CYP2C18: variants seen among roughly 807,000 people sequenced by gnomAD.
CYP2C18 encodes the protein cytochrome P450 2C18.
A neutral mutation model predicts 41.3 loss-of-function variants in CYP2C18; 38 were observed. The ratio of observed to expected loss-of-function variants is 0.92; its 90% CI spans 0.71 to 1.21. The LOEUF (loss-of-function observed/expected upper bound fraction) is 1.21, where lower values mean the gene tolerates loss of function less well. CYP2C18 is among the 50% of genes most tolerant of loss of function. CYP2C18 has a pLI of 0.00. For missense variants in CYP2C18, 635 were observed against 591.4 expected (o/e 1.07, Z -0.77); for synonymous variants, 236 against 210.0 (o/e 1.12, Z -1.07).
At chr10:94,697,059 C>T (rs912672779) in intron 4 of CYP2C18, among the ~76,000 whole-genome samples, 7 of 152,182 alleles carry the variant, frequency 4.6e-5, no homozygotes, top group Admixed American at 1.3e-4. Flanking sequence ...ACACTCTGCA[C>T]GATATTATCC....
intron 4 of CYP2C18, among the ~76,000 whole-genome samples, chr10:94,701,679 C>G (rs1847249086): frequency 6.6e-6 from 1 of 152,318 alleles, no homozygotes; most frequent in East Asian, 1.9e-4. Context: ...AGAGTGTACA[C>G]AGTTGTTCCC....
intron 7 of CYP2C18, among the ~76,000 whole-genome samples, chr10:94,729,370 C>G (rs1847793452): frequency 6.6e-6 from 1 of 152,202 alleles, no homozygotes; most frequent in African/African-American, 2.4e-5. Flanking sequence ...ACAGTAGACA[C>G]AAGAGTCAAA....
At chr10:94,689,097 AAGAAGT>A (rs1272645123) in intron 3 of CYP2C18, among the ~76,000 whole-genome samples, 1 of 152,324 alleles carries the variant, frequency 6.6e-6, no homozygotes, top group East Asian at 1.9e-4. Flanking sequence ...CCTGTTAATT[AAGAAGT>A]AATTAAAATT....
At chr10:94,702,448 C>A (rs552239571) in intron 4 of CYP2C18, among the ~76,000 whole-genome samples, 1 of 152,032 alleles carries the variant, frequency 6.6e-6, no homozygotes, top group African/African-American at 2.4e-5. Context: ...ATTCTTTTTT[C>A]TCTAATCTTG....
Position 94,735,279 on chromosome 10 carries a change from G to T in CYP2C18, c.1308G>T (p.Met436Ile). The T allele has an allele frequency of 1.2e-6, 2 of 1,613,522 alleles. No individual in the cohort carries two copies. The highest frequency in any genetic ancestry group is 1.7e-6 in the Non-Finnish European group (2 of 1,179,638). The change falls in exon 9 of 9, where the codon ATG becomes ATT. Residue 436 changes from methionine to isoleucine, a missense_variant. Transcript: ENST00000285979. ...TATTTTCAGGAAAACGGATGTGTAT[G>T]GGAGAGGGCCTGGCCCGCATGGAGC... ...MPFSAGKRMC[M>I]GEGLARMELF...
At chr10:94,706,741 C>A in intron 4 of CYP2C18, 43 bp from the exon 5 acceptor site, 1 of 1,139,508 alleles carries the variant, frequency 8.8e-7, no homozygotes, top group South Asian at 1.5e-5. Context: ...CATATGTCTT[C>A]AATACATGTG....
intron 7 of CYP2C18, among the ~76,000 whole-genome samples, chr10:94,729,590 C>G (rs533299083): frequency 6.6e-6 from 1 of 152,080 alleles, no homozygotes; most frequent in Non-Finnish European, 1.5e-5. Flanking sequence ...TAAAGAGAAG[C>G]CTTTTGCTTG....
Position 94,735,295 on chromosome 10 carries a change from C to G in CYP2C18, c.1324C>G (p.Arg442Gly). ...GATGTGTATGGGAGAGGGCCTGGCC[C>G]GCATGGAGCTGTTTTTATTCCTGAC... ...KRMCMGEGLA[R>G]MELFLFLTTI... Residue 442 changes from arginine to glycine, a missense_variant, in exon 9 of 9, where the codon CGC becomes GGC. Arg to Gly is a moderately radical substitution (Grantham distance 125). Transcript: ENST00000285979. 6.2e-7 allele frequency: 1 copy of G among 1,613,586 alleles called. No homozygotes were observed. The highest frequency in any genetic ancestry group is 8.5e-7 in the Non-Finnish European group (1 of 1,179,696).
In CYP2C18 at chr10:94,735,403, C is replaced by T. The variant is rs577595661; in HGVS notation, c.1432C>T (p.Arg478Cys). ...DITPIANAFG[R>C]VPPLYQLCFI... is the part of the protein sequence containing the mutation. ...CACCCCCATTGCCAATGCATTTGGT[C>T]GTGTGCCACCCTTGTACCAGCTCTG... The change falls in exon 9 of 9, where the codon CGT becomes TGT. Residue 478 changes from arginine to cysteine, a missense_variant. Physicochemically the swap from Arg to Cys is radical, Grantham distance 180 (BLOSUM62 -3). Coordinates refer to ENST00000285979, the MANE Select transcript of CYP2C18 (RefSeq NM_000772.3). The T allele has an allele frequency of 2.4e-5, 39 of 1,613,656 alleles. No homozygotes were observed. The highest frequency in any genetic ancestry group is 5.0e-5 in the Admixed American group (3 of 59,960).
Position 94,683,796 on chromosome 10 carries a change from T to C in CYP2C18, c.-24T>C. 4 of 1,552,148 alleles carry C rather than the reference T, an allele frequency of 2.6e-6. No homozygotes were observed. The highest frequency in any genetic ancestry group is 3.5e-6 in the Non-Finnish European group (4 of 1,149,408). On this transcript the variant is annotated 5_prime_UTR_variant, in exon 1 of 9. Coordinates refer to ENST00000285979, the MANE Select transcript of CYP2C18 (RefSeq NM_000772.3). The stretch of plus-strand genomic sequence containing the variant: ...GCCTTGAAGTGAAAGCCCGCAGTTG[T>C]CTTACTAAGAAGAGAAGCCTTCAAT...
chr10:94,735,244 CT>C lies in CYP2C18; in HGVS notation c.1292-18del. On this transcript the variant is annotated intron_variant, in intron 8 of 8. Coordinates refer to ENST00000285979, the MANE Select transcript of CYP2C18 (RefSeq NM_000772.3). The stretch of plus-strand genomic sequence containing the variant: ...ACCTAATGTTCAAGGAACAAATCCC[CT>C]ATGTCTCTTATTTTCAGGAAAACGG... 1 of 1,612,378 alleles carries C rather than the reference CT, an allele frequency of 6.2e-7. No individual in the cohort carries two copies. The highest frequency in any genetic ancestry group is 1.7e-4 in the Middle Eastern group (1 of 5,964).
chr10:94,717,355 G>A (rs74533635), intron 5 of CYP2C18, among the ~76,000 whole-genome samples: 3,276 of 152,128 alleles, frequency 0.022, 118 homozygotes, highest in African/African-American at 0.074. Flanking sequence ...CTTCCTTCTG[G>A]TGCTCTTGTA....
At chr10:94,719,353 A>G (rs1352474673) in intron 5 of CYP2C18, among the ~76,000 whole-genome samples, 1 of 151,988 alleles carries the variant, frequency 6.6e-6, no homozygotes, top group African/African-American at 2.4e-5. Flanking sequence ...GCATCCTAGA[A>G]CTAGGTGCCT....
chr10:94,694,877 T>A, intron 3 of CYP2C18, 40 bp from the exon 4 acceptor site: 1 of 1,586,112 alleles, frequency 6.3e-7, no homozygotes, highest in African/African-American at 1.4e-5. Context: ...ATTTTATATG[T>A]ATATTTTAAT....
chr10:94,687,179 T>C (rs930163032), intron 1 of CYP2C18, among the ~76,000 whole-genome samples: 5 of 152,218 alleles, frequency 3.3e-5, no homozygotes, highest in African/African-American at 9.6e-5. Flanking sequence ...ACTATCTCTG[T>C]TGGATCCACT....
At chr10:94,702,440 T>A (rs1847264031) in intron 4 of CYP2C18, among the ~76,000 whole-genome samples, 1 of 152,094 alleles carries the variant, frequency 6.6e-6, no homozygotes, top group African/African-American at 2.4e-5. Flanking sequence ...TCCTTTTCAT[T>A]CTTTTTTCTC....
intron 5 of CYP2C18, among the ~76,000 whole-genome samples, chr10:94,717,405 T>C (rs1847570779): frequency 6.6e-6 from 1 of 152,140 alleles, no homozygotes; most frequent in Non-Finnish European, 1.5e-5. Context: ...AGGGTTTGCT[T>C]GTCTGTAAAG....
chr10:94,714,096 G>C (rs545285657), intron 5 of CYP2C18, among the ~76,000 whole-genome samples: 1 of 152,214 alleles, frequency 6.6e-6, no homozygotes, highest in East Asian at 1.9e-4. Context: ...CAGATGAGTA[G>C]ATTGCAAAAA....
At chr10:94,702,220 G>A (rs1365766267) in intron 4 of CYP2C18, among the ~76,000 whole-genome samples, 1 of 152,102 alleles carries the variant, frequency 6.6e-6, no homozygotes, top group Admixed American at 6.5e-5. Flanking sequence ...TCTTGGGGTT[G>A]CTATTCTCGA....
Sources: gnomAD v4.1 joint callset for allele counts (sites outside exome capture counted in the v4.1 genomes callset) on GRCh38, gnomAD v4.1.1 for gene constraint, MANE v1.5 for transcripts, NCBI Gene and HGNC (gene_info 2026-07-23, HGNC 2026-07-21) for gene names.